Variants in STK31 observed in about 807,000 individuals in gnomAD.
The protein encoded by STK31 is serine/threonine-protein kinase 31.
In STK31, 89 loss-of-function variants were observed where a neutral mutation model predicts 129.7. The observed-to-expected ratio is 0.69, with a 90% CI of 0.58 to 0.82. The LOEUF (loss-of-function observed/expected upper bound fraction) is 0.82, where lower values mean the gene tolerates loss of function less well. Ranked by LOEUF, STK31 falls within the 40% of genes least tolerant of loss-of-function variation. The pLI, the probability that STK31 is intolerant of heterozygous loss-of-function variation, is 0.00. For synonymous variants in STK31, 448 were observed against 395.3 expected (o/e 1.13, Z -1.58); for missense variants, 1,187 against 1,176.4 (o/e 1.01, Z -0.13).
chr7:23,830,802 T>C (rs1194400370), intron 23 of STK31, among the ~76,000 whole-genome samples: 1 of 152,126 alleles, frequency 6.6e-6, no homozygotes, highest in Non-Finnish European at 1.5e-5. Context: ...GTATTTTTAG[T>C]AGAGACGAGG....
At chr7:23,755,782 GT>G (rs1235189532) in intron 10 of STK31, among the ~76,000 whole-genome samples, 12 of 152,088 alleles carry the variant, frequency 7.9e-5, no homozygotes, top group Admixed American at 7.9e-4. Flanking sequence ...TTTTTGTCAG[GT>G]TTGTCGAAGA....
chr7:23,723,894 A>C (rs1444371898), intron 4 of STK31, among the ~76,000 whole-genome samples: 1 of 152,206 alleles, frequency 6.6e-6, no homozygotes, highest in South Asian at 2.1e-4. Flanking sequence ...TCTGAGACGA[A>C]TTAAGAGTCC....
At chr7:23,748,917 C>T (rs1303509610) in intron 8 of STK31, among the ~76,000 whole-genome samples, 1 of 152,128 alleles carries the variant, frequency 6.6e-6, no homozygotes, top group African/African-American at 2.4e-5. Flanking sequence ...TTGCTTTGTT[C>T]AAGAGTCAGC....
intron 10 of STK31, among the ~76,000 whole-genome samples, chr7:23,755,354 C>T (rs1303156594): frequency 6.6e-6 from 1 of 151,836 alleles, no homozygotes; most frequent in African/African-American, 2.4e-5. Flanking sequence ...TGTCTTTTTC[C>T]TGTAAATATG....
At chr7:23,744,026 G>C (rs1162493573) in intron 8 of STK31, among the ~76,000 whole-genome samples, 2 of 151,672 alleles carry the variant, frequency 1.3e-5, no homozygotes, top group South Asian at 4.2e-4. Flanking sequence ...CTCAATCAGT[G>C]CTCCTGCCTC....
intron 10 of STK31, among the ~76,000 whole-genome samples, chr7:23,757,777 G>A (rs543061630): frequency 6.6e-6 from 1 of 152,128 alleles, no homozygotes; most frequent in African/African-American, 2.4e-5. Context: ...TCGGGCTGGG[G>A]GACGGTCAGG....
chr7:23,739,606 G>A (rs958407908), intron 8 of STK31, among the ~76,000 whole-genome samples: 1 of 152,090 alleles, frequency 6.6e-6, no homozygotes, highest in African/African-American at 2.4e-5. Context: ...TACTGTTTGG[G>A]GTTTTACATT....
At chr7:23,780,423 A>G (rs896292508) in intron 15 of STK31, among the ~76,000 whole-genome samples, 1 of 152,206 alleles carries the variant, frequency 6.6e-6, no homozygotes, top group Admixed American at 6.5e-5. Flanking sequence ...TGCCTTTCTC[A>G]GAGATGATTT....
intron 6 of STK31, among the ~76,000 whole-genome samples, chr7:23,732,410 A>G (rs1238153923): frequency 6.6e-6 from 1 of 152,238 alleles, no homozygotes; most frequent in Non-Finnish European, 1.5e-5. Context: ...TATTATATAT[A>G]AAGAGAAAAC....
chr7:23,806,270 C>G (rs371136297), intron 22 of STK31, among the ~76,000 whole-genome samples: 1 of 152,068 alleles, frequency 6.6e-6, no homozygotes, highest in Non-Finnish European at 1.5e-5. Flanking sequence ...CAAAGTCTTG[C>G]GTGGATGTAT....
chr7:23,737,117 GA>G, intron 8 of STK31, 39 bp downstream of exon 8: 1 of 1,517,300 alleles, frequency 6.6e-7, no homozygotes. Context: ...GTCCAACTGG[GA>G]AATCTGTGTA....
At chr7:23,812,045 T>G (rs1209417039) in intron 22 of STK31, among the ~76,000 whole-genome samples, 1 of 152,210 alleles carries the variant, frequency 6.6e-6, no homozygotes, top group Non-Finnish European at 1.5e-5. Context: ...TGTTATTTCT[T>G]CCTTCCTGAT....
intron 23 of STK31, among the ~76,000 whole-genome samples, chr7:23,827,220 A>C (rs1312734753): frequency 1.3e-5 from 2 of 152,166 alleles, no homozygotes; most frequent in Non-Finnish European, 2.9e-5. Context: ...TCTCTTCGTC[A>C]CTTTGAGGTA....
chr7:23,721,564 A>G, intron 4 of STK31: 1 of 923,158 alleles, frequency 1.1e-6, no homozygotes, highest in Non-Finnish European at 1.8e-6. Flanking sequence ...TTTTGGGTGG[A>G]GCCCTTTGCG....
In STK31 at chr7:23,754,381, G is replaced by A; in HGVS notation, c.1200G>A (p.Gly400=). 6.2e-7 allele frequency: 1 copy of A among 1,614,028 alleles called. No individual in the cohort carries two copies. Among genetic ancestry groups the A allele is most frequent in the Non-Finnish European group, 8.5e-7 (1 of 1,179,966 alleles). The change falls in exon 10 of 24, where the codon GGG becomes GGA. Residue 400 remains glycine (G), a synonymous_variant. Transcript: ENST00000355870. ...LSDAIQVLDE[G]CFTTPASLNG... ...ATGCTATACAAGTGTTGGATGAAGG[G>A]TGCTTTACTACTCCAGCTTCTTTGA...
chr7:23,745,956 G>A (rs572316319), intron 8 of STK31, among the ~76,000 whole-genome samples: 2 of 152,336 alleles, frequency 1.3e-5, no homozygotes, highest in East Asian at 3.9e-4. Flanking sequence ...ATGTATGGCT[G>A]TTCCTCTGCC....
At chr7:23,732,987 T>G (rs1465750134) in intron 6 of STK31, among the ~76,000 whole-genome samples, 1 of 152,212 alleles carries the variant, frequency 6.6e-6, no homozygotes, top group African/African-American at 2.4e-5. Flanking sequence ...CTTTGCCTGC[T>G]TGATCCCATT....
intron 22 of STK31, among the ~76,000 whole-genome samples, chr7:23,812,408 C>G (rs1380849859): frequency 8.0e-6 from 1 of 125,414 alleles, no homozygotes; most frequent in East Asian, 2.3e-4. Context: ...TTTTTCATTC[C>G]TTTCCTTTTT....
intron 15 of STK31, among the ~76,000 whole-genome samples, chr7:23,779,684 C>T (rs1340859826): frequency 6.6e-6 from 1 of 152,114 alleles, no homozygotes; most frequent in Admixed American, 6.5e-5. Flanking sequence ...GAGGCCCCTC[C>T]CCCAACCAAG....
Sources: allele counts gnomAD v4.1 joint callset (sites outside exome capture counted in the v4.1 genomes callset), GRCh38; gene constraint gnomAD v4.1.1; transcripts MANE v1.5; gene names NCBI Gene and HGNC (gene_info 2026-07-23, HGNC 2026-07-21).